Variants in MAP2K2 observed in about 807,000 individuals in gnomAD.
MAP2K2 encodes mitogen-activated protein kinase kinase 2, also known as dual specificity mitogen-activated protein kinase kinase 2.
In MAP2K2, 24 loss-of-function variants were observed where a neutral mutation model predicts 43.7. The observed-to-expected ratio is 0.55, with a 90% CI of 0.40 to 0.77. The LOEUF is 0.77. Among genes scored for constraint, MAP2K2 ranks in the 30% least tolerant of loss-of-function variants. The pLI is 0.00. For missense variants in MAP2K2, 470 were observed against 566.8 expected (o/e 0.83, Z 1.73); for synonymous variants, 244 against 239.7 (o/e 1.02, Z -0.17).
Position 4,101,377 on chromosome 19 carries a change from G to A in MAP2K2, c.529-97C>T, listed in dbSNP as rs1325020926. On this transcript the variant is annotated intron_variant, in intron 4 of 10. Coordinates refer to ENST00000262948, the MANE Select transcript of MAP2K2 (RefSeq NM_030662.4). The surrounding 1 kb of genome is among the most constrained non-coding windows in gnomAD (Gnocchi z 6.3). ...AGAGCTGAGCAGTCAGAGCTGGAGC[G>A]AGGGAGCTGCGGCAGGAACCATTTC... is the stretch of plus-strand genomic sequence containing the variant. 10 of 1,356,984 alleles carry A rather than the reference G, an allele frequency of 7.4e-6. No homozygotes were observed. The highest frequency in any genetic ancestry group is 5.0e-5 in the East Asian group (2 of 40,030). 84.1% of individuals were successfully genotyped at this position (1,356,984 alleles called of 1,614,324 possible). A position where few individuals can be genotyped will look rare whatever the true frequency, so the allele number is the denominator to read the frequency against.
At chr19:4,094,060 C>A (rs1242645248) in intron 10 of MAP2K2, among the ~76,000 whole-genome samples, 3 of 152,160 alleles carry the variant, frequency 2.0e-5, no homozygotes, top group Non-Finnish European at 4.4e-5. Context: ...ACCTGCTTGC[C>A]AGTGTGCAGA....
intron 1 of MAP2K2, among the ~76,000 whole-genome samples, chr19:4,118,326 A>AG (rs112342067): frequency 0.064 from 9,733 of 152,268 alleles, 330 homozygotes; most frequent in African/African-American, 0.077. Flanking sequence ...CCGGGCCAAG[A>AG]TGTCTGTCTT....
At chr19:4,110,435 G>T (rs180916817) in intron 3 of MAP2K2, 74 bp downstream of exon 3, 9 of 1,581,772 alleles carry the variant, frequency 5.7e-6, no homozygotes, top group Non-Finnish European at 7.8e-6. Context: ...GGGGCCGTGA[G>T]GGGGTCTTCC....
chr19:4,091,547 T>C (rs2040855275), intron 10 of MAP2K2, among the ~76,000 whole-genome samples: 1 of 151,842 alleles, frequency 6.6e-6, no homozygotes, highest in Non-Finnish European at 1.5e-5. Flanking sequence ...GAGACGGGGA[T>C]TCACCATGTT....
At chr19:4,121,833 C>T (rs867413372) in intron 1 of MAP2K2, among the ~76,000 whole-genome samples, 7 of 47,864 alleles carry the variant, frequency 1.5e-4, no homozygotes, top group African/African-American at 2.4e-4. Context: ...CTGACCCCCC[C>T]AAAGTCCCCC....
intron 6 of MAP2K2, 96 bp from the exon 7 acceptor site, chr19:4,099,510 A>G (rs934275813): frequency 1.0e-6 from 1 of 963,854 alleles, no homozygotes; most frequent in African/African-American, 1.6e-5. Context: ...CACCCTCTCC[A>G]TGGCTAATGA....
rs1398145965 is a variant in MAP2K2, at chr19:4,100,999, G to T, written c.705+20C>A. The stretch of plus-strand genomic sequence containing the variant: ...AGCAGCAGGGAGGAGAGCTGGAGGG[G>T]AGAGCCAGCGGGGACTCACAGCCAT... On this transcript the variant is annotated intron_variant, in intron 6 of 10. Transcript: ENST00000262948. The T allele has an allele frequency of 6.4e-7, 1 of 1,552,274 alleles. No individual in the cohort carries two copies. Among genetic ancestry groups the T allele is most frequent in the Non-Finnish European group, 8.7e-7 (1 of 1,148,464 alleles).
intron 2 of MAP2K2, among the ~76,000 whole-genome samples, chr19:4,114,123 A>G (rs1020946011): frequency 3.3e-5 from 5 of 152,152 alleles, no homozygotes; most frequent in Non-Finnish European, 5.9e-5. Context: ...CTTCATCTCT[A>G]CAAGAGATTT....
intron 3 of MAP2K2, among the ~76,000 whole-genome samples, chr19:4,107,041 C>T (rs755146173): frequency 2.0e-4 from 30 of 152,188 alleles, no homozygotes; most frequent in African/African-American, 7.2e-4. Flanking sequence ...GTTCAGACCC[C>T]AGGGAAGCAG....
Position 4,099,248 on chromosome 19 carries a change from G to C in MAP2K2, c.872C>G (p.Pro291Arg), listed in dbSNP as rs752436529. The change falls in exon 7 of 11, where the codon CCT becomes CGT. Residue 291 changes from proline (P) to arginine (R), a missense_variant. Transcript: ENST00000262948. ...RPVVDGEEGE[P>R]HSISPRPRPP... ...CCTCGGCCGAGGCGAGATGCTGTGA[G>C]GCTCTCCTTCTTCCCCGTCGACCAC... The C allele has an allele frequency of 6.8e-6, 11 of 1,606,278 alleles. No homozygotes were observed. The South Asian group carries it at 1.2e-4, about 18-fold the overall frequency.
intron 8 of MAP2K2, among the ~76,000 whole-genome samples, chr19:4,096,038 G>A (rs889321595): frequency 6.6e-6 from 1 of 152,236 alleles, no homozygotes; most frequent in African/African-American, 2.4e-5. Flanking sequence ...GCCTCCCAAA[G>A]TGCTGGAATT....
At chr19:4,100,956 G>T (rs1223384702) in intron 6 of MAP2K2, 63 bp downstream of exon 6, 2 of 1,541,978 alleles carry the variant, frequency 1.3e-6, no homozygotes, top group Non-Finnish European at 1.8e-6. Context: ...AGAGCTGGGT[G>T]GGGAGAGCTT....
In MAP2K2 at chr19:4,123,858, C is replaced by A; in HGVS notation, c.18G>T (p.Lys6Asn). MLARR[K>N]PVLPALTINP... ...TGATGGTGAGCGCCGGCAGCACCGG[C>A]TTCCTCCGGGCCAGCATCGGGGCTC... is the stretch of plus-strand genomic sequence containing the variant. The change falls in exon 1 of 11, where the codon AAG becomes AAT. Residue 6 changes from lysine (K) to asparagine (N), a missense_variant. Lys to Asn is a moderately conservative substitution (Grantham distance 94, BLOSUM62 0). Around this residue, in one of 3 missense-constraint regions of MAP2K2, gnomAD observed 58 missense variants for 48.0 expected, o/e 1.21. Coordinates refer to ENST00000262948, the MANE Select transcript of MAP2K2 (RefSeq NM_030662.4). The A allele has an allele frequency of 6.6e-7, 1 of 1,514,884 alleles. No individual in the cohort carries two copies. Among genetic ancestry groups the A allele is most frequent in the Non-Finnish European group, 8.8e-7 (1 of 1,134,204 alleles). 93.8% of individuals were successfully genotyped at this position (1,514,884 alleles called of 1,614,324 possible).
At chr19:4,121,117 C>T (rs758980056) in intron 1 of MAP2K2, among the ~76,000 whole-genome samples, 7 of 151,600 alleles carry the variant, frequency 4.6e-5, no homozygotes, top group Non-Finnish European at 1.0e-4. Flanking sequence ...CCTGGCATGA[C>T]CCCACCAGTG....
Position 4,099,181 on chromosome 19 carries a change from G to A in MAP2K2, c.919+20C>T, listed in dbSNP as rs1334082829. 1.3e-5 allele frequency: 21 copies of A among 1,587,038 alleles called. No homozygotes were observed. The highest frequency in any genetic ancestry group is 1.7e-5 in the Non-Finnish European group (20 of 1,167,940). On this transcript the variant is annotated intron_variant, in intron 7 of 10. Coordinates refer to ENST00000262948, the MANE Select transcript of MAP2K2 (RefSeq NM_030662.4). Reference sequence around the variant, plus strand: ...AGGGCACTGCGCGTCCAGACCGGAAGTTGCAGATTCAGGCCGTACCGCTGA... The same window carrying A: ...AGGGCACTGCGCGTCCAGACCGGAAATTGCAGATTCAGGCCGTACCGCTGA...
intron 9 of MAP2K2, 55 bp downstream of exon 9, chr19:4,095,333 A>G (rs778423262): frequency 1.3e-6 from 2 of 1,500,936 alleles, no homozygotes; most frequent in Non-Finnish European, 1.8e-6. Flanking sequence ...AGGACCCGGA[A>G]GGAGTGGCAC....
At chr19:4,092,485 A>G (rs189244236) in intron 10 of MAP2K2, among the ~76,000 whole-genome samples, 1 of 152,196 alleles carries the variant, frequency 6.6e-6, no homozygotes, top group East Asian at 1.9e-4. Context: ...GCTACTCGAG[A>G]GGCTGAGGCA....
chr19:4,097,205 T>TA (rs10681431), intron 8 of MAP2K2, 74 bp downstream of exon 8: 190,237 of 552,234 alleles, frequency 0.34, 18,301 homozygotes, highest in African/African-American at 0.46. Flanking sequence ...AGACTCTGCC[T>TA]AAAAAAAAAA....
At chr19:4,091,036 C>T (rs908246730) in intron 10 of MAP2K2, among the ~76,000 whole-genome samples, 22 of 152,190 alleles carry the variant, frequency 1.4e-4, no homozygotes, top group African/African-American at 5.3e-4. Flanking sequence ...ACACCGGGGC[C>T]GGATCATTCT....
Sources: allele counts gnomAD v4.1 joint callset (sites outside exome capture counted in the v4.1 genomes callset), GRCh38; gene constraint gnomAD v4.1.1; regional missense constraint gnomAD v4.1.1; non-coding constraint Gnocchi (gnomAD v3.1); transcripts MANE v1.5; gene names NCBI Gene and HGNC (gene_info 2026-07-23, HGNC 2026-07-21).